Variants in SAMD4A observed in about 807,000 individuals in gnomAD.
SAMD4A encodes protein Smaug homolog 1.
SAMD4A carries 33 observed loss-of-function variants against 81.3 expected under a neutral mutation model. The observed-to-expected ratio is 0.41, with a 90% confidence interval of 0.31 to 0.54. SAMD4A has a LOEUF of 0.54. Among genes scored for constraint, SAMD4A ranks in the 20% least tolerant of loss-of-function variants. The pLI is 0.37. For missense variants in SAMD4A, 854 were observed against 951.1 expected, an observed-to-expected ratio of 0.90 and a Z score of 1.34; for synonymous variants, 389 against 382.1, an observed-to-expected ratio of 1.02 and a Z score of -0.21.
upstream of SAMD4A, among the ~76,000 whole-genome samples, chr14:54,566,219 C>G (rs534697426): frequency 2.8e-3 from 420 of 151,418 alleles, 4 homozygotes; most frequent in Non-Finnish European, 5.0e-3. Flanking sequence ...GGCCCGCGGC[C>G]GGCGCTCCGG....
intron 2 of SAMD4A, among the ~76,000 whole-genome samples, chr14:54,691,550 A>C (rs978924598): frequency 1.2e-4 from 2 of 16,644 alleles, no homozygotes; most frequent in African/African-American, 2.2e-3. Flanking sequence ...TTCCCTTCTC[A>C]AAAAAAAAAA....
chr14:54,759,174 A>G (rs2038325076), intron 6 of SAMD4A, among the ~76,000 whole-genome samples: 1 of 152,226 alleles, frequency 6.6e-6, no homozygotes, highest in Admixed American at 6.5e-5. Flanking sequence ...AGTTCTATAC[A>G]TATTCCTCTC....
At chr14:54,650,152 A>G (rs1177539967) in intron 2 of SAMD4A, among the ~76,000 whole-genome samples, 1 of 152,222 alleles carries the variant, frequency 6.6e-6, no homozygotes, top group East Asian at 1.9e-4. Flanking sequence ...GTGAATGAAA[A>G]GAAATTAAAT....
chr14:54,783,863 T>C lies in SAMD4A; in HGVS notation c.2045-674T>C, dbSNP rs2039065952. Reference sequence around the variant, plus strand: ...ACTCTAGATGCATGCCAGGCCCTGCTCTAGGCACAGGGGGCAGAGCCATGT... The same window carrying C: ...ACTCTAGATGCATGCCAGGCCCTGCCCTAGGCACAGGGGGCAGAGCCATGT... On this transcript the variant is annotated intron_variant, in intron 11 of 12. Transcript: ENST00000554335. Among the ~76,000 whole-genome samples, 2 of 152,168 alleles carry C rather than the reference T, an allele frequency of 1.3e-5. 1 individual carries two copies. Among genetic ancestry groups the C allele is most frequent in the South Asian group, 4.1e-4 (2 of 4,828 alleles).
intron 2 of SAMD4A, among the ~76,000 whole-genome samples, chr14:54,679,041 A>G (rs1486054277): frequency 2.6e-5 from 4 of 152,252 alleles, no homozygotes; most frequent in Non-Finnish European, 4.4e-5. Flanking sequence ...GAAGACAGAC[A>G]GTTTGAACAC....
intron 2 of SAMD4A, among the ~76,000 whole-genome samples, chr14:54,631,973 T>G (rs1372722719): frequency 6.6e-6 from 1 of 152,244 alleles, no homozygotes; most frequent in Non-Finnish European, 1.5e-5. Flanking sequence ...AGAGTTACTA[T>G]ACACCAGGTA....
At chr14:54,766,059 T>C (rs1418511098) in intron 8 of SAMD4A, among the ~76,000 whole-genome samples, 2 of 152,070 alleles carry the variant, frequency 1.3e-5, no homozygotes, top group Admixed American at 6.6e-5. Flanking sequence ...ACCAAAGTAC[T>C]AGACTTTTCA....
chr14:54,788,617 G>A (rs2236299), intron 12 of SAMD4A, among the ~76,000 whole-genome samples: 36,991 of 152,140 alleles, frequency 0.24, 4,942 homozygotes, highest in East Asian at 0.47. Flanking sequence ...TTACAGCAGT[G>A]ATCACATATA....
At chr14:54,670,445 A>G (rs1314952903) in intron 2 of SAMD4A, among the ~76,000 whole-genome samples, 4 of 152,196 alleles carry the variant, frequency 2.6e-5, no homozygotes, top group Non-Finnish European at 5.9e-5. Flanking sequence ...CAGGGCTAAG[A>G]AAGGCATTGC....
intron 12 of SAMD4A, among the ~76,000 whole-genome samples, chr14:54,787,896 T>C (rs1043874405): frequency 2.0e-5 from 3 of 152,206 alleles, no homozygotes; most frequent in African/African-American, 7.2e-5. Flanking sequence ...TCTAAGCTCT[T>C]GTTCATGGTA....
intron 2 of SAMD4A, among the ~76,000 whole-genome samples, chr14:54,571,079 C>T (rs2033115389): frequency 6.6e-6 from 1 of 152,080 alleles, no homozygotes; most frequent in Non-Finnish European, 1.5e-5. Flanking sequence ...TCGTTTTATG[C>T]AGGACTGATT....
At chr14:54,669,373 G>T (rs1264512625) in intron 2 of SAMD4A, among the ~76,000 whole-genome samples, 1 of 151,248 alleles carries the variant, frequency 6.6e-6, no homozygotes, top group African/African-American at 2.4e-5. Flanking sequence ...TACCGAATGT[G>T]TCAAGTTTGG....
rs78717615 is a variant in SAMD4A, at chr14:54,646,118, T to A, written c.197-55944T>A. On this transcript the variant is annotated intron_variant, in intron 2 of 12. Coordinates refer to ENST00000554335, the MANE Select transcript of SAMD4A (RefSeq NM_015589.6). ...TGATCGACAAAATGAATAATTAGGG[T>A]TCGCTTTCTCCACATGGCCCAGGTT... Among the ~76,000 whole-genome samples the A allele has an allele frequency of 5.9e-5, 9 of 152,326 alleles. No individual in the cohort carries two copies. In the East Asian group the frequency reaches 1.7e-3, roughly 29 times the overall value.
rs779643866 is a variant in SAMD4A, at chr14:54,776,435, G to A, written c.1939G>A (p.Gly647Arg). 13 of 1,588,424 alleles carry A rather than the reference G, an allele frequency of 8.2e-6. No individual in the cohort carries two copies. The highest frequency in any genetic ancestry group is 7.1e-5 in the East Asian group (3 of 41,986). Reference sequence around the variant, plus strand: ...CCAGAACCTGTGGTTTGCCAACCCCGGGGGCAGCAATAGCATGCCAAGCCG... The same window carrying A: ...CCAGAACCTGTGGTTTGCCAACCCCAGGGGCAGCAATAGCATGCCAAGCCG... ...GRQNLWFANPGGSNSMPSRTH... is the reference protein window; with the variant it reads ...GRQNLWFANPRGSNSMPSRTH... Residue 647 changes from glycine to arginine, a missense_variant, in exon 11 of 13, where the codon GGG becomes AGG. Coordinates refer to ENST00000554335, the MANE Select transcript of SAMD4A (RefSeq NM_015589.6).
chr14:54,621,356 G>A (rs1454647143), intron 2 of SAMD4A, among the ~76,000 whole-genome samples: 1 of 151,864 alleles, frequency 6.6e-6, no homozygotes, highest in African/African-American at 2.4e-5. Flanking sequence ...TGTTTGTTTT[G>A]TTTTGTGTTT....
chr14:54,627,655 G>A (rs1032277232), intron 2 of SAMD4A, among the ~76,000 whole-genome samples: 1 of 152,130 alleles, frequency 6.6e-6, no homozygotes, highest in Admixed American at 6.5e-5. Context: ...GAGGTCTTTC[G>A]GTTACCAGGC....
At chr14:54,702,825 A>T (rs1167827253) in intron 3 of SAMD4A, 1 of 468,194 alleles carries the variant, frequency 2.1e-6, no homozygotes, top group African/African-American at 1.9e-5. Flanking sequence ...CAGACCAAAA[A>T]TAAATAGACA....
chr14:54,628,966 C>G (rs781348896), intron 2 of SAMD4A, among the ~76,000 whole-genome samples: 31 of 152,136 alleles, frequency 2.0e-4, no homozygotes, highest in Non-Finnish European at 3.4e-4. Context: ...CCTGCCTCCC[C>G]CAGAATGTCA....
At chr14:54,714,615 T>G (rs1316850647) in intron 3 of SAMD4A, among the ~76,000 whole-genome samples, 1 of 152,066 alleles carries the variant, frequency 6.6e-6, no homozygotes, top group Admixed American at 6.6e-5. Flanking sequence ...TGGAGAGTAG[T>G]GGTTGGTCCA....
Sources: gnomAD v4.1 joint callset for allele counts (sites outside exome capture counted in the v4.1 genomes callset) on GRCh38, gnomAD v4.1.1 for gene constraint, MANE v1.5 for transcripts, NCBI Gene and HGNC (gene_info 2026-07-23, HGNC 2026-07-21) for gene names.